The following UNC5C variants were observed in gnomAD, a reference collection of about 807,000 sequenced individuals.
UNC5C encodes the protein netrin receptor UNC5C.
A neutral mutation model predicts 99.8 loss-of-function variants in UNC5C; 47 were observed. The observed-to-expected ratio is 0.47, with a 90% confidence interval of 0.37 to 0.60. The LOEUF (loss-of-function observed/expected upper bound fraction) is 0.60, where lower values mean the gene tolerates loss of function less well. UNC5C is among the 20% of genes least tolerant of loss of function. UNC5C has a pLI of 0.00. For missense variants in UNC5C, 1,062 were observed against 1,165.9 expected (o/e 0.91, Z 1.30); for synonymous variants, 487 against 452.2 (o/e 1.08, Z -0.98).
chr4:95,480,664 T>A lies in UNC5C; in HGVS notation c.124+68070A>T, dbSNP rs568304628. The stretch of plus-strand genomic sequence containing the variant: ...ACATCAAAAAGCTTATCCACCATGA[T>A]CAAGTGGGCTTCATCCCTGGGATGC... On this transcript the variant is annotated intron_variant, in intron 1 of 15. Transcript: ENST00000453304. Among the ~76,000 whole-genome samples the A allele has an allele frequency of 3.1e-3, 469 of 152,138 alleles. 11 individuals are homozygous for A. The highest frequency in any genetic ancestry group is 0.028 in the Admixed American group (428 of 15,246).
At chr4:95,485,455 T>C (rs1230097108) in intron 1 of UNC5C, among the ~76,000 whole-genome samples, 2 of 151,824 alleles carry the variant, frequency 1.3e-5, no homozygotes, top group East Asian at 1.9e-4. Flanking sequence ...AAATTCTTCA[T>C]CTTTCTAAGG....
intron 1 of UNC5C, among the ~76,000 whole-genome samples, chr4:95,371,316 A>T (rs1166735960): frequency 2.6e-5 from 4 of 152,108 alleles, no homozygotes; most frequent in Non-Finnish European, 5.9e-5. Context: ...ACTGCTTTTT[A>T]AAATGTTGCA....
At chr4:95,533,865 T>C (rs935675659) in intron 1 of UNC5C, among the ~76,000 whole-genome samples, 1 of 152,226 alleles carries the variant, frequency 6.6e-6, no homozygotes, top group Non-Finnish European at 1.5e-5. Flanking sequence ...TTTTGTTGTT[T>C]TGTTTTTTCC....
intron 1 of UNC5C, among the ~76,000 whole-genome samples, chr4:95,516,024 T>C (rs371274396): frequency 4.0e-4 from 61 of 152,274 alleles, no homozygotes; most frequent in African/African-American, 1.4e-3. Flanking sequence ...TGAACTGAAA[T>C]AGGACAAATC....
intron 14 of UNC5C, among the ~76,000 whole-genome samples, chr4:95,175,905 C>T (rs6836523): frequency 0.98 from 148,887 of 151,248 alleles, 73,287 homozygotes; most frequent in Middle Eastern, 1. Flanking sequence ...TTTGGTCTTT[C>T]CACATAGTCC....
At chr4:95,313,637 C>A (rs1742359737) in intron 2 of UNC5C, among the ~76,000 whole-genome samples, 2 of 152,122 alleles carry the variant, frequency 1.3e-5, no homozygotes, top group Admixed American at 1.3e-4. Flanking sequence ...TAAGAGCAAT[C>A]ACTTCTGAGT....
At chr4:95,531,079 A>G (rs946997601) in intron 1 of UNC5C, among the ~76,000 whole-genome samples, 1 of 152,216 alleles carries the variant, frequency 6.6e-6, no homozygotes, top group African/African-American at 2.4e-5. Context: ...TTTAGACTTC[A>G]TAATTTAATA....
intron 1 of UNC5C, among the ~76,000 whole-genome samples, chr4:95,372,521 A>G (rs2149439191): frequency 6.6e-6 from 1 of 152,256 alleles, no homozygotes; most frequent in East Asian, 1.9e-4. Flanking sequence ...TTTCAAAGAG[A>G]TTTCTTAATT....
At chr4:95,225,868 C>T (rs1382215305) in intron 7 of UNC5C, among the ~76,000 whole-genome samples, 1 of 152,170 alleles carries the variant, frequency 6.6e-6, no homozygotes, top group East Asian at 1.9e-4. Flanking sequence ...ATTTTCAAAA[C>T]ACTTCTGCAA....
chr4:95,502,121 G>A (rs72876468), intron 1 of UNC5C, among the ~76,000 whole-genome samples: 3,341 of 152,220 alleles, frequency 0.022, 130 homozygotes, highest in African/African-American at 0.075. Flanking sequence ...TTTGACAAAA[G>A]TAAAGGAGCA....
chr4:95,323,425 A>C (rs1426425770), intron 2 of UNC5C, among the ~76,000 whole-genome samples: 1 of 152,240 alleles, frequency 6.6e-6, no homozygotes, highest in African/African-American at 2.4e-5. Flanking sequence ...CTGAAGTTCC[A>C]TCTGACGTAA....
chr4:95,287,579 C>G (rs1044884644), intron 3 of UNC5C, among the ~76,000 whole-genome samples: 1 of 152,166 alleles, frequency 6.6e-6, no homozygotes, highest in Non-Finnish European at 1.5e-5. Context: ...CCTTCCAGCT[C>G]GTGTGTCTAT....
At position 95,353,837 on chromosome 4, in the gene UNC5C, CTAATT is replaced by C. The variant is rs1744073906; in HGVS notation, c.125-18211_125-18207del. On this transcript the variant is annotated intron_variant, in intron 1 of 15. Transcript: ENST00000453304. The stretch of plus-strand genomic sequence containing the variant: ...TTAACTAAATAACCATTTAAAAACT[CTAATT>C]TAAGATTTTCTTTAAAAATTAAAAA... 4.6e-5 allele frequency among the ~76,000 whole-genome samples: 7 copies of C among 152,098 alleles called. 1 individual carries two copies. The highest frequency in any genetic ancestry group is 4.6e-4 in the Admixed American group (7 of 15,278).
intron 8 of UNC5C, 51 bp from the exon 9 acceptor site, chr4:95,219,364 C>T (rs1239477678): frequency 6.4e-7 from 1 of 1,553,842 alleles, no homozygotes. Context: ...TTCAGGCCAA[C>T]CTACATTAGT....
intron 1 of UNC5C, among the ~76,000 whole-genome samples, chr4:95,354,448 C>A (rs1008389852): frequency 1.5e-5 from 2 of 135,714 alleles, no homozygotes; most frequent in Non-Finnish European, 3.1e-5. Context: ...ACTTTTCTAT[C>A]GTATTTTACC....
chr4:95,272,286 T>A (rs1579286166), intron 4 of UNC5C, among the ~76,000 whole-genome samples: 1 of 152,248 alleles, frequency 6.6e-6, no homozygotes, highest in Non-Finnish European at 1.5e-5. Flanking sequence ...ATCTTTCTTA[T>A]ATAAGTGAAT....
chr4:95,485,575 C>T (rs942250666), intron 1 of UNC5C, among the ~76,000 whole-genome samples: 1 of 151,750 alleles, frequency 6.6e-6, no homozygotes, highest in Non-Finnish European at 1.5e-5. Flanking sequence ...AGTCGAACAC[C>T]TTATATTTGC....
At chr4:95,428,125 G>A (rs1385267195) in intron 1 of UNC5C, among the ~76,000 whole-genome samples, 1 of 148,172 alleles carries the variant, frequency 6.7e-6, no homozygotes, top group Non-Finnish European at 1.5e-5. Flanking sequence ...TCTCAAGCTT[G>A]CTAATTTTAT....
chr4:95,491,057 G>A (rs1361995541), intron 1 of UNC5C, among the ~76,000 whole-genome samples: 2 of 151,238 alleles, frequency 1.3e-5, no homozygotes, highest in Non-Finnish European at 3.0e-5. Flanking sequence ...ATGGGAAGGT[G>A]GTAGCAGAAA....
Sources: gnomAD v4.1 joint callset for allele counts (sites outside exome capture counted in the v4.1 genomes callset) on GRCh38, gnomAD v4.1.1 for gene constraint, MANE v1.5 for transcripts, NCBI Gene and HGNC (gene_info 2026-07-23, HGNC 2026-07-21) for gene names.